The following TAOK1 variants were observed in gnomAD, a reference collection of about 807,000 sequenced individuals.
TAOK1 encodes TAO kinase 1.
Under a neutral mutation model 138.3 loss-of-function variants are expected in TAOK1, and 21 were observed. The observed-to-expected ratio is 0.15, with a 90% CI of 0.11 to 0.22. The LOEUF is 0.22. Ranked by LOEUF, TAOK1 falls within the 10% of genes least tolerant of loss-of-function variation. The pLI is 1.00. For synonymous variants in TAOK1, 361 were observed against 398.4 expected, an observed-to-expected ratio of 0.91 and a Z score of 1.12; for missense variants, 651 against 1,227.7, an observed-to-expected ratio of 0.53 and a Z score of 7.02.
intron 8 of TAOK1, among the ~76,000 whole-genome samples, chr17:29,484,177 A>G (rs2031120696): frequency 6.6e-6 from 1 of 152,230 alleles, no homozygotes; most frequent in Non-Finnish European, 1.5e-5. Flanking sequence ...TTCCTTCACA[A>G]TAGAAGTTTT....
chr17:29,442,753 A>C (rs1480149850), intron 1 of TAOK1, among the ~76,000 whole-genome samples: 1 of 152,156 alleles, frequency 6.6e-6, no homozygotes, highest in East Asian at 1.9e-4. Context: ...GATACTGCTT[A>C]GCAATAAAAA....
At chr17:29,404,492 T>A (rs1379940418) in intron 1 of TAOK1, among the ~76,000 whole-genome samples, 1 of 152,060 alleles carries the variant, frequency 6.6e-6, no homozygotes, top group Non-Finnish European at 1.5e-5. Context: ...GTAAAATAAC[T>A]ATGATATAAA....
chr17:29,495,915 TAAAAA>T (rs778249210), intron 11 of TAOK1, among the ~76,000 whole-genome samples, 188 bp downstream of exon 11: 1 of 151,102 alleles, frequency 6.6e-6, no homozygotes, highest in Non-Finnish European at 1.5e-5. Flanking sequence ...TAAGAAAAGT[TAAAAA>T]AAAAGTTTTT....
chr17:29,505,650 TG>T (rs1204505693), intron 13 of TAOK1, among the ~76,000 whole-genome samples: 2 of 151,928 alleles, frequency 1.3e-5, no homozygotes, highest in Non-Finnish European at 1.5e-5. Context: ...TGCAGTGAGC[TG>T]AGATTGCGCC....
chr17:29,406,447 G>T (rs778630401), intron 1 of TAOK1, among the ~76,000 whole-genome samples: 1 of 152,124 alleles, frequency 6.6e-6, no homozygotes, highest in Non-Finnish European at 1.5e-5. Flanking sequence ...ATCATATGTG[G>T]CTATAGGTTA....
In TAOK1 at chr17:29,475,656, T is replaced by C; in HGVS notation, c.205-14T>C. On this transcript the variant is annotated splice_polypyrimidine_tract_variant and intron_variant, in intron 3 of 19. Coordinates refer to ENST00000261716, the MANE Select transcript of TAOK1 (RefSeq NM_020791.4). ...AGTCCTGTTCATAATTCTTTACCTTTTTTCTCCCCACAGAAATGGCAGGAT... is the reference window on the plus strand; with the variant it reads ...AGTCCTGTTCATAATTCTTTACCTTCTTTCTCCCCACAGAAATGGCAGGAT... The C allele has an allele frequency of 6.4e-7, 1 of 1,561,648 alleles. No individual in the cohort carries two copies. The highest frequency in any genetic ancestry group is 8.8e-7 in the Non-Finnish European group (1 of 1,139,004).
chr17:29,420,904 A>T (rs941370274), intron 1 of TAOK1, among the ~76,000 whole-genome samples: 1 of 151,472 alleles, frequency 6.6e-6, no homozygotes, highest in Non-Finnish European at 1.5e-5. Context: ...ATCTTTTATC[A>T]TTGCATGTGA....
chr17:29,519,742 G>A (rs1452584390), intron 16 of TAOK1, among the ~76,000 whole-genome samples: 1 of 152,140 alleles, frequency 6.6e-6, no homozygotes, highest in Non-Finnish European at 1.5e-5. Flanking sequence ...GACACTATTA[G>A]TAAGAATATA....
intron 1 of TAOK1, among the ~76,000 whole-genome samples, chr17:29,441,285 G>T (rs1324989290): frequency 6.6e-6 from 1 of 152,064 alleles, no homozygotes; most frequent in Non-Finnish European, 1.5e-5. Flanking sequence ...GAGACTACAG[G>T]ATCACTTGAG....
intron 1 of TAOK1, among the ~76,000 whole-genome samples, chr17:29,449,212 A>G (rs1368093298): frequency 6.6e-6 from 1 of 152,100 alleles, no homozygotes; most frequent in African/African-American, 2.4e-5. Context: ...AATACTTTAT[A>G]TGGAATTTAG....
Position 29,495,714 on chromosome 17 carries a change from A to C in TAOK1, c.986A>C (p.Gln329Pro). 6.2e-7 allele frequency: 1 copy of C among 1,602,980 alleles called. No individual in the cohort carries two copies. The highest frequency in any genetic ancestry group is 8.5e-7 in the Non-Finnish European group (1 of 1,174,208). Residue 329 changes from glutamine to proline, a missense_variant, in exon 11 of 20, where the codon CAG (glutamine) becomes CCG (proline). Physicochemically the swap from Gln to Pro is moderately conservative, Grantham distance 76. This residue lies in a region of TAOK1 where 104 missense variants were observed against 151.7 expected (regional missense o/e 0.69). Coordinates refer to ENST00000261716, the MANE Select transcript of TAOK1 (RefSeq NM_020791.4). ...EAHNGPAVEA[Q>P]EEEEEQDHGV... ...CATAATGGACCAGCAGTAGAAGCAC[A>C]GGAAGAAGAAGAGGTAAGAGATAAA...
intron 8 of TAOK1, among the ~76,000 whole-genome samples, chr17:29,483,788 CT>C (rs2031112248): frequency 1.3e-5 from 2 of 152,172 alleles, no homozygotes; most frequent in Admixed American, 1.3e-4. Flanking sequence ...AAAACTGTTT[CT>C]TCCATTTGAA....
At chr17:29,398,738 G>A in intron 1 of TAOK1, among the ~76,000 whole-genome samples, 1 of 151,866 alleles carries the variant, frequency 6.6e-6, no homozygotes, top group Non-Finnish European at 1.5e-5. Context: ...CACCATGTTG[G>A]CCAGGCTGGT....
At chr17:29,484,596 T>C (rs2031129149) in intron 8 of TAOK1, among the ~76,000 whole-genome samples, 2 of 152,140 alleles carry the variant, frequency 1.3e-5, no homozygotes, top group Admixed American at 1.3e-4. Context: ...TTTTTTTCTT[T>C]TCTTTCTTTT....
At chr17:29,464,660 A>T (rs917508942) in intron 2 of TAOK1, among the ~76,000 whole-genome samples, 3 of 152,020 alleles carry the variant, frequency 2.0e-5, no homozygotes, top group Non-Finnish European at 4.4e-5. Context: ...AACATTTTGG[A>T]AAAAGAAATT....
chr17:29,408,166 C>T (rs935220116), intron 1 of TAOK1, among the ~76,000 whole-genome samples: 1 of 151,746 alleles, frequency 6.6e-6, no homozygotes, highest in Non-Finnish European at 1.5e-5. Flanking sequence ...ATACTCCTGC[C>T]TCAGCCTCCC....
intron 1 of TAOK1, among the ~76,000 whole-genome samples, chr17:29,444,925 G>A (rs918410454): frequency 3.3e-5 from 5 of 151,912 alleles, no homozygotes; most frequent in African/African-American, 1.2e-4. Context: ...TTTTCCCATT[G>A]CTATTTTGTA....
At position 29,390,374 on chromosome 17, in the gene TAOK1, G is replaced by C. The variant is rs564648000; in HGVS notation, c.-745G>C. On this transcript the variant is annotated 5_prime_UTR_variant, in exon 1 of 20. Transcript: ENST00000261716. The stretch of plus-strand genomic sequence containing the variant: ...AAGGGGGGGAAGCTGGGCAGCGGCC[G>C]GGCTCTGTGGCTTCAGGGCTCGGGG... The C allele has an allele frequency of 3.3e-5, 5 of 152,472 alleles. No individual in the cohort carries two copies. The highest frequency in any genetic ancestry group is 3.3e-4 in the Admixed American group (5 of 15,304). 9.4% of individuals were successfully genotyped at this position (152,472 alleles called of 1,614,324 possible).
At chr17:29,476,757 A>G (rs2030950903) in intron 4 of TAOK1, among the ~76,000 whole-genome samples, 2 of 152,168 alleles carry the variant, frequency 1.3e-5, no homozygotes, top group Non-Finnish European at 1.5e-5. Flanking sequence ...TAGTTATAAT[A>G]CCACAATGTG....
Sources: gnomAD v4.1 joint callset for allele counts (sites outside exome capture counted in the v4.1 genomes callset) on GRCh38, gnomAD v4.1.1 for gene constraint, gnomAD v4.1.1 regional missense constraint, MANE v1.5 for transcripts, NCBI Gene and HGNC (gene_info 2026-07-23, HGNC 2026-07-21) for gene names.